The following FRYL variants were observed in gnomAD, a reference collection of about 807,000 sequenced individuals.
The protein encoded by FRYL is FRY like transcription coactivator, also known as protein furry homolog-like.
FRYL carries 150 observed loss-of-function variants against 351.2 expected under a neutral mutation model. The ratio of observed to expected loss-of-function variants is 0.43; its 90% CI spans 0.37 to 0.49. The LOEUF is 0.49. Among genes scored for constraint, FRYL ranks in the 20% least tolerant of loss-of-function variants. FRYL has a pLI of 0.00. For synonymous variants in FRYL, 1,153 were observed against 1,257.1 expected (o/e 0.92, Z 1.75); for missense variants, 3,036 against 3,619.3 (o/e 0.84, Z 4.13).
chr4:48,593,787 T>C (rs1203605378), intron 16 of FRYL, 143 bp downstream of exon 16: 1 of 456,534 alleles, frequency 2.2e-6, no homozygotes, highest in Non-Finnish European at 3.9e-6. Context: ...GGCCAGCTAT[T>C]AGAAAGGTTA....
rs1722364687 is a variant in FRYL at position 48,511,041 on chromosome 4, CT to C, written c.8146-58del. The C allele has an allele frequency of 2.4e-6, 3 of 1,233,166 alleles. No homozygotes were observed. In the South Asian group the frequency reaches 4.0e-5, roughly 16 times the overall value. The allele number at this position is 1,233,166 out of a possible 1,614,324, so 76.4% of individuals were successfully genotyped here. A position where few individuals can be genotyped will look rare whatever the true frequency, so the allele number is the denominator to read the frequency against. ...GTTTCATAAGAAGGCCTTTTTTCATCTTTAAGTAAAGAAGCATAATAGGGTA... is the reference window on the plus strand; with the variant it reads ...GTTTCATAAGAAGGCCTTTTTTCATCTTAAGTAAAGAAGCATAATAGGGTA... On this transcript the variant is annotated intron_variant, in intron 57 of 63. Coordinates refer to ENST00000358350, the MANE Select transcript of FRYL (RefSeq NM_015030.2).
At chr4:48,639,075 T>C (rs1754830705) in intron 3 of FRYL, among the ~76,000 whole-genome samples, 1 of 152,014 alleles carries the variant, frequency 6.6e-6, no homozygotes, top group African/African-American at 2.4e-5. Context: ...CTGCATGTTC[T>C]GCACATGTAT....
intron 10 of FRYL, 93 bp downstream of exon 10, chr4:48,606,345 T>C (rs1313983642): frequency 3.8e-5 from 27 of 719,784 alleles, no homozygotes; most frequent in Non-Finnish European, 5.5e-5. Context: ...AATGATGCCA[T>C]TAATTTACGT....
chr4:48,546,581 G>T, intron 41 of FRYL: 1 of 289,634 alleles, frequency 3.5e-6, no homozygotes, highest in Non-Finnish European at 6.5e-6. Context: ...TGTCAACATC[G>T]CTTGTCAGTC....
intron 3 of FRYL, among the ~76,000 whole-genome samples, chr4:48,641,495 G>A (rs1755312063): frequency 6.6e-6 from 1 of 152,126 alleles, no homozygotes. Context: ...CCAATTTGCA[G>A]CCTTTGCCAA....
intron 26 of FRYL, 120 bp from the exon 27 acceptor site, chr4:48,571,038 G>A (rs1378324089): frequency 1.5e-6 from 1 of 672,098 alleles, no homozygotes; most frequent in Non-Finnish European, 2.5e-6. Context: ...GTACAGTGTA[G>A]ACTGTGGGTA....
At chr4:48,732,928 A>AT (rs1770892379) in intron 1 of FRYL, among the ~76,000 whole-genome samples, 1 of 17,396 alleles carries the variant, frequency 5.7e-5, no homozygotes, top group African/African-American at 1.2e-4. Flanking sequence ...GTATAACAAT[A>AT]TTAAAAAAAA....
Position 48,710,714 on chromosome 4 carries a change from A to T in FRYL, c.-383-16T>A. On this transcript the variant is annotated splice_polypyrimidine_tract_variant and intron_variant, in intron 1 of 63. Transcript: ENST00000358350. ...ATGTTCTAGGCTGGAAGATTAAAAA[A>T]TAGGAAATATGGTCATCACTAACAG... The T allele has an allele frequency of 2.5e-6, 1 of 397,378 alleles. No individual in the cohort carries two copies. The highest frequency in any genetic ancestry group is 4.4e-6 in the Non-Finnish European group (1 of 225,614). The allele number at this position is 397,378 out of a possible 1,614,324, so 24.6% of individuals were successfully genotyped here. A position where few individuals can be genotyped will look rare whatever the true frequency, so the allele number is the denominator to read the frequency against.
intron 27 of FRYL, among the ~76,000 whole-genome samples, chr4:48,570,491 A>T (rs1460095184): frequency 1.3e-5 from 2 of 152,246 alleles, no homozygotes; most frequent in East Asian, 3.8e-4. Flanking sequence ...AAAATGAGGT[A>T]AGAAAAAGGA....
chr4:48,611,197 C>T (rs1293368906), intron 7 of FRYL, among the ~76,000 whole-genome samples: 14 of 151,972 alleles, frequency 9.2e-5, no homozygotes, highest in Admixed American at 7.2e-4. Context: ...TACATCCTCC[C>T]GTACACTTTA....
intron 13 of FRYL, among the ~76,000 whole-genome samples, chr4:48,597,263 T>C (rs776598): frequency 0.95 from 144,135 of 152,170 alleles, 68,373 homozygotes; most frequent in South Asian, 0.98. Context: ...TAGAGAGAAA[T>C]GAATAGGCAA....
At chr4:48,591,619 C>T (rs1456589509) in intron 16 of FRYL, among the ~76,000 whole-genome samples, 1 of 152,172 alleles carries the variant, frequency 6.6e-6, no homozygotes, top group Non-Finnish European at 1.5e-5. Flanking sequence ...TCATCTTTAT[C>T]TGCATTTCAG....
rs1228761308 is a variant in FRYL, at chr4:48,594,792, T to C, written c.1249-776A>G. On this transcript the variant is annotated intron_variant, in intron 15 of 63. Coordinates refer to ENST00000358350, the MANE Select transcript of FRYL (RefSeq NM_015030.2). ...ACAGCATTTTCCCATGTTGACGAGA[T>C]AACCTTACCTATGTTTCTCCAAGAT... Among the ~76,000 whole-genome samples, 6 of 152,198 alleles carry C rather than the reference T, an allele frequency of 3.9e-5. No homozygotes were observed. The East Asian group carries it at 9.6e-4, about 24-fold the overall frequency.
intron 53 of FRYL, 97 bp downstream of exon 53, chr4:48,527,380 C>T: frequency 1.1e-6 from 1 of 938,452 alleles, no homozygotes. Flanking sequence ...CCTTTTTGAC[C>T]TTACACTGAC....
chr4:48,696,724 T>C (rs1397484704), intron 2 of FRYL, among the ~76,000 whole-genome samples: 1 of 151,932 alleles, frequency 6.6e-6, no homozygotes, highest in African/African-American at 2.4e-5. Context: ...TCAAATTAAA[T>C]TACTAACTTT....
In FRYL at chr4:48,502,812, A is replaced by T; in HGVS notation, c.8481+16T>A. The T allele has an allele frequency of 6.2e-7, 1 of 1,605,642 alleles. No individual in the cohort carries two copies. Among genetic ancestry groups the T allele is most frequent in the Non-Finnish European group, 8.5e-7 (1 of 1,173,374 alleles). ...GGCAAGGGTGAGTAGTCTATAAATCAAGACAGGTCACTTACTGCTAGTATT... is the reference window on the plus strand; with the variant it reads ...GGCAAGGGTGAGTAGTCTATAAATCTAGACAGGTCACTTACTGCTAGTATT... On this transcript the variant is annotated intron_variant, in intron 61 of 63. Transcript: ENST00000358350.
At chr4:48,774,683 C>G (rs1775837904) in intron 1 of FRYL, among the ~76,000 whole-genome samples, 1 of 151,818 alleles carries the variant, frequency 6.6e-6, no homozygotes, top group Non-Finnish European at 1.5e-5. Flanking sequence ...GTACCTGGGA[C>G]TACAGGCATG....
At chr4:48,566,056 T>C (rs183706148) in intron 28 of FRYL, among the ~76,000 whole-genome samples, 4 of 152,332 alleles carry the variant, frequency 2.6e-5, no homozygotes, top group Admixed American at 2.6e-4. Context: ...GACACACCTC[T>C]GTATCTTGGT....
At chr4:48,733,200 G>T (rs531655688) in intron 1 of FRYL, among the ~76,000 whole-genome samples, 1 of 151,684 alleles carries the variant, frequency 6.6e-6, no homozygotes, top group Non-Finnish European at 1.5e-5. Context: ...GCTTGTACTC[G>T]GGAGGTGGAG....
Sources: gnomAD v4.1 joint callset for allele counts (sites outside exome capture counted in the v4.1 genomes callset) on GRCh38, gnomAD v4.1.1 for gene constraint, MANE v1.5 for transcripts, NCBI Gene and HGNC (gene_info 2026-07-23, HGNC 2026-07-21) for gene names.